MGAT5: variants seen among roughly 807,000 people sequenced by gnomAD.
The protein encoded by MGAT5 is alpha-1,6-mannosylglycoprotein 6-beta-N-acetylglucosaminyltransferase A.
MGAT5 carries 30 observed loss-of-function variants against 94.3 expected under a neutral mutation model. The ratio of observed to expected loss-of-function variants is 0.32; its 90% CI spans 0.24 to 0.43. MGAT5 has a LOEUF of 0.43. MGAT5 is among the 20% of genes least tolerant of loss of function. The pLI is 1.00. For synonymous variants in MGAT5, 310 were observed against 322.9 expected (o/e 0.96, Z 0.43); for missense variants, 691 against 905.5 (o/e 0.76, Z 3.04).
intron 1 of MGAT5, among the ~76,000 whole-genome samples, chr2:134,129,870 G>C (rs775203569): frequency 7.2e-5 from 11 of 152,178 alleles, no homozygotes; most frequent in Non-Finnish European, 1.6e-4. Context: ...GCCCGCCGCT[G>C]CACTGTGGGA....
chr2:134,289,566 C>A (rs941437674), intron 2 of MGAT5, among the ~76,000 whole-genome samples: 1 of 152,220 alleles, frequency 6.6e-6, no homozygotes, highest in Non-Finnish European at 1.5e-5. Flanking sequence ...GGTCTGCTTG[C>A]AAGACTAACC....
intron 1 of MGAT5, among the ~76,000 whole-genome samples, chr2:134,164,449 T>G (rs1470410733): frequency 6.6e-6 from 1 of 152,076 alleles, no homozygotes; most frequent in East Asian, 1.9e-4. Context: ...TAACCTCTCA[T>G]GTGGAGAGGG....
chr2:134,277,348 G>C (rs1684440456), intron 2 of MGAT5, among the ~76,000 whole-genome samples: 1 of 152,158 alleles, frequency 6.6e-6, no homozygotes, highest in African/African-American at 2.4e-5. Flanking sequence ...AGGTTTAACT[G>C]ACTCAGAGTT....
chr2:134,248,169 A>G (rs1357331841), intron 1 of MGAT5, among the ~76,000 whole-genome samples: 1 of 152,224 alleles, frequency 6.6e-6, no homozygotes, highest in African/African-American at 2.4e-5. Flanking sequence ...CAGAATGCCC[A>G]GGTTCTGTGG....
chr2:134,388,262 A>C (rs912322378), intron 10 of MGAT5, among the ~76,000 whole-genome samples: 4 of 152,194 alleles, frequency 2.6e-5, no homozygotes, highest in African/African-American at 9.7e-5. Flanking sequence ...GAATTGTATA[A>C]TGAGCCCCCA....
chr2:134,232,273 T>G (rs373389409), intron 1 of MGAT5, among the ~76,000 whole-genome samples: 3 of 152,178 alleles, frequency 2.0e-5, no homozygotes, highest in Admixed American at 1.3e-4. Context: ...AAACCCATCC[T>G]CTACACAGCA....
chr2:134,362,698 A>C (rs1232056465), intron 10 of MGAT5, among the ~76,000 whole-genome samples: 1 of 152,218 alleles, frequency 6.6e-6, no homozygotes, highest in Non-Finnish European at 1.5e-5. Context: ...TCTGAGAGCC[A>C]GGGCCCTCCA....
At chr2:134,351,828 T>C (rs1243801214) in intron 9 of MGAT5, among the ~76,000 whole-genome samples, 1 of 152,190 alleles carries the variant, frequency 6.6e-6, no homozygotes, top group Non-Finnish European at 1.5e-5. Context: ...TAGACCCTTA[T>C]ATATACATAC....
At chr2:134,394,294 TCA>T (rs1294266738) in intron 10 of MGAT5, among the ~76,000 whole-genome samples, 1 of 152,238 alleles carries the variant, frequency 6.6e-6, no homozygotes, top group Non-Finnish European at 1.5e-5. Flanking sequence ...GTTCTGCCAG[TCA>T]CTGTGTGTGT....
intron 2 of MGAT5, among the ~76,000 whole-genome samples, chr2:134,309,176 A>C (rs1422796510): frequency 6.6e-6 from 1 of 152,242 alleles, no homozygotes; most frequent in Non-Finnish European, 1.5e-5. Context: ...TAATGGCTGA[A>C]TAATATTCCA....
At chr2:134,383,070 G>A (rs1040886543) in intron 10 of MGAT5, among the ~76,000 whole-genome samples, 2 of 152,176 alleles carry the variant, frequency 1.3e-5, no homozygotes, top group Admixed American at 6.5e-5. Flanking sequence ...GTAAAATAAT[G>A]GGGAAGTTCA....
At chr2:134,445,525 AG>A (rs958049537) in intron 15 of MGAT5, among the ~76,000 whole-genome samples, 4 of 152,126 alleles carry the variant, frequency 2.6e-5, no homozygotes, top group African/African-American at 4.8e-5. Flanking sequence ...TGTGCATTAT[AG>A]GTCTGTGTCA....
intron 4 of MGAT5, among the ~76,000 whole-genome samples, chr2:134,331,964 C>A (rs1019480060): frequency 1.4e-5 from 2 of 145,152 alleles, no homozygotes; most frequent in Non-Finnish European, 3.1e-5. Flanking sequence ...TAGGAAGAAT[C>A]AATATCATGA....
chr2:134,250,277 A>G (rs914419038), upstream of MGAT5, among the ~76,000 whole-genome samples: 1 of 152,126 alleles, frequency 6.6e-6, no homozygotes, highest in Non-Finnish European at 1.5e-5. Context: ...AGCTGACATT[A>G]CTCTGGTTGG....
At chr2:134,402,576 T>G (rs1683114836) in intron 10 of MGAT5, among the ~76,000 whole-genome samples, 1 of 152,186 alleles carries the variant, frequency 6.6e-6, no homozygotes, top group Non-Finnish European at 1.5e-5. Flanking sequence ...TCCAACTGAC[T>G]GCCTTCCCCG....
At chr2:134,365,364 G>A (rs535362883) in intron 10 of MGAT5, among the ~76,000 whole-genome samples, 1 of 152,278 alleles carries the variant, frequency 6.6e-6, no homozygotes, top group African/African-American at 2.4e-5. Context: ...GTGCAGTCCA[G>A]CTTTTTGGTG....
chr2:134,284,471 A>G (rs150868572), intron 2 of MGAT5, among the ~76,000 whole-genome samples: 64 of 152,290 alleles, frequency 4.2e-4, no homozygotes, highest in African/African-American at 1.5e-3. Context: ...TTTTACAGAA[A>G]AAGTTTGCCA....
rs533925113 is a variant in MGAT5 at position 134,266,988 on chromosome 2, G to A, written c.242-3398G>A. On this transcript the variant is annotated intron_variant, in intron 1 of 15. Transcript: ENST00000281923. The stretch of plus-strand genomic sequence containing the variant: ...TTAAAAAAATCTTGGATCACTTGAT[G>A]TATCTGGTAGTCTCCAGTGTCAGCT... Among the ~76,000 whole-genome samples the A allele has an allele frequency of 2.6e-5, 4 of 152,360 alleles. No homozygotes were observed. The South Asian group carries it at 8.3e-4, about 32-fold the overall frequency.
chr2:134,332,770 C>T (rs1471109848), intron 4 of MGAT5, among the ~76,000 whole-genome samples: 18 of 152,200 alleles, frequency 1.2e-4, no homozygotes, highest in African/African-American at 3.9e-4. Flanking sequence ...AAAAAGTGGG[C>T]GAAGGACATG....
Sources: allele counts gnomAD v4.1 joint callset (sites outside exome capture counted in the v4.1 genomes callset), GRCh38; gene constraint gnomAD v4.1.1; transcripts MANE v1.5; gene names NCBI Gene and HGNC (gene_info 2026-07-23, HGNC 2026-07-21).